Variants in AKAP6 observed in about 807,000 individuals in gnomAD.
AKAP6 encodes A-kinase anchoring protein 6, also known as A-kinase anchor protein 6.
AKAP6 carries 58 observed loss-of-function variants against 188.5 expected under a neutral mutation model. That is an observed-to-expected ratio of 0.31 (90% CI 0.25 to 0.38). The LOEUF (loss-of-function observed/expected upper bound fraction) is 0.38, where lower values mean the gene tolerates loss of function less well. AKAP6 is among the 10% of genes least tolerant of loss of function. The pLI, the probability that AKAP6 is intolerant of heterozygous loss-of-function variation, is 1.00. For synonymous variants in AKAP6, 989 were observed against 998.6 expected (o/e 0.99, Z 0.18); for missense variants, 2,710 against 2,740.0 (o/e 0.99, Z 0.24).
intron 1 of AKAP6, among the ~76,000 whole-genome samples, chr14:32,390,666 C>G (rs1245986357): frequency 2.0e-5 from 3 of 152,140 alleles, no homozygotes; most frequent in Non-Finnish European, 2.9e-5. Flanking sequence ...TGGGCTGGTA[C>G]TGGGGGTTGT....
At chr14:32,706,028 A>G (rs941677981) in intron 9 of AKAP6, among the ~76,000 whole-genome samples, 1 of 152,098 alleles carries the variant, frequency 6.6e-6, no homozygotes, top group Non-Finnish European at 1.5e-5. Flanking sequence ...CAGCCCTACC[A>G]TGTGCCTGAA....
At chr14:32,351,222 C>G (rs1410595902) in intron 1 of AKAP6, among the ~76,000 whole-genome samples, 1 of 152,120 alleles carries the variant, frequency 6.6e-6, no homozygotes, top group Non-Finnish European at 1.5e-5. Flanking sequence ...ACCTAGAGGT[C>G]TAAAAGAATC....
intron 3 of AKAP6, among the ~76,000 whole-genome samples, chr14:32,543,534 T>C (rs1372094094): frequency 6.6e-6 from 1 of 152,230 alleles, no homozygotes; most frequent in Non-Finnish European, 1.5e-5. Context: ...TTTGACATGC[T>C]GATTTCCTTT....
chr14:32,411,924 C>T lies in AKAP6; in HGVS notation c.-34-21536C>T, dbSNP rs963338836. ...AGTTTTTCTTCTCTAATATGTTTTC[C>T]GTAATGATAGCTGCTTCATTTACAA... On this transcript the variant is annotated intron_variant, in intron 1 of 13. Transcript: ENST00000280979. 2.7e-5 allele frequency among the ~76,000 whole-genome samples: 4 copies of T among 150,890 alleles called. No individual in the cohort carries two copies. In the South Asian group the frequency reaches 6.3e-4, roughly 24 times the overall value.
chr14:32,690,351 A>G (rs961177844), intron 8 of AKAP6, among the ~76,000 whole-genome samples: 2 of 152,152 alleles, frequency 1.3e-5, no homozygotes, highest in Non-Finnish European at 2.9e-5. Context: ...TGTTGAGTTA[A>G]TGATGCTCAC....
intron 3 of AKAP6, among the ~76,000 whole-genome samples, chr14:32,540,718 G>A (rs1882910127): frequency 6.6e-6 from 1 of 152,046 alleles, no homozygotes; most frequent in Non-Finnish European, 1.5e-5. Context: ...GGAAGCAACA[G>A]AACTAAAAAC....
intron 12 of AKAP6, among the ~76,000 whole-genome samples, chr14:32,793,199 G>T (rs1398921657): frequency 1.3e-5 from 2 of 152,046 alleles, no homozygotes; most frequent in Non-Finnish European, 2.9e-5. Context: ...AATGTAAATG[G>T]ACTAAATGCC....
In AKAP6 at chr14:32,669,645, G is replaced by A. The variant is rs77484503; in HGVS notation, c.2731-8666G>A. On this transcript the variant is annotated intron_variant, in intron 7 of 13. Transcript: ENST00000280979. ...TTCATCCATTCTCACGCTGCTAATA[G>A]ACATACCCAAGACTGAATAATTTAT... Among the ~76,000 whole-genome samples, 473 of 152,288 alleles carry A rather than the reference G, an allele frequency of 3.1e-3. 2 individuals carry two copies. Among genetic ancestry groups the A allele is most frequent in the African/African-American group, 0.01 (435 of 41,556 alleles).
At chr14:32,727,231 C>T (rs2030917173) in intron 9 of AKAP6, among the ~76,000 whole-genome samples, 2 of 152,100 alleles carry the variant, frequency 1.3e-5, no homozygotes, top group Admixed American at 6.6e-5. Context: ...GTAGACTTGG[C>T]GTCCTTATGC....
chr14:32,540,073 A>G (rs1220906022), intron 3 of AKAP6, among the ~76,000 whole-genome samples: 6 of 149,480 alleles, frequency 4.0e-5, no homozygotes, highest in Admixed American at 1.3e-4. Flanking sequence ...AAAGGAACAG[A>G]GTAAAATGTC....
rs2034844900 is a variant in AKAP6 at position 32,833,746 on chromosome 14, C to T, written c.*3941C>T. The T allele has an allele frequency of 6.6e-6, 1 of 152,176 alleles. No homozygotes were observed. The highest frequency in any genetic ancestry group is 2.4e-5 in the African/African-American group (1 of 41,444). The allele number at this position is 152,176 out of a possible 1,614,324, so 9.4% of individuals were successfully genotyped here. ...TTTTAGAATTTTAAAGAAAAACTCA[C>T]TTTTCAAGTGTCATATAATTCTTAT... On this transcript the variant is annotated 3_prime_UTR_variant, in exon 14 of 14. Coordinates refer to ENST00000280979, the MANE Select transcript of AKAP6 (RefSeq NM_004274.5).
rs545548977 is a variant in AKAP6 at position 32,464,341 on chromosome 14, C to G, written c.324+30524C>G. 4.6e-5 allele frequency among the ~76,000 whole-genome samples: 7 copies of G among 152,252 alleles called. No homozygotes were observed. In the East Asian group the frequency reaches 1.3e-3, roughly 29 times the overall value. ...CCTGATGAACATTGACGTGAAAATC[C>G]TCAATAAAAATACTGGCAAACTGAA... On this transcript the variant is annotated intron_variant, in intron 2 of 13. Transcript: ENST00000280979.
chr14:32,664,135 G>A (rs554110090), intron 7 of AKAP6, among the ~76,000 whole-genome samples: 1 of 151,916 alleles, frequency 6.6e-6, no homozygotes, highest in Non-Finnish European at 1.5e-5. Context: ...CTAGTGGATA[G>A]GAACCATGAC....
chr14:32,413,535 A>G (rs10149776), intron 1 of AKAP6, among the ~76,000 whole-genome samples: 33,041 of 152,036 alleles, frequency 0.22, 4,295 homozygotes, highest in East Asian at 0.69. Flanking sequence ...GGAACCTCAC[A>G]GTTACTGAAT....
intron 9 of AKAP6, among the ~76,000 whole-genome samples, chr14:32,707,554 A>G (rs1390287950): frequency 6.6e-6 from 1 of 151,986 alleles, no homozygotes; most frequent in East Asian, 1.9e-4. Context: ...TTTTTGTTAG[A>G]CTTCACACTC....
chr14:32,427,037 G>A (rs373885870), intron 1 of AKAP6, among the ~76,000 whole-genome samples: 12 of 152,178 alleles, frequency 7.9e-5, no homozygotes, highest in Admixed American at 4.6e-4. Flanking sequence ...CTGTACAAAA[G>A]GAAATATTCA....
chr14:32,817,489 G>A (rs1312387097), intron 12 of AKAP6, among the ~76,000 whole-genome samples: 1 of 115,868 alleles, frequency 8.6e-6, no homozygotes, highest in Admixed American at 8.9e-5. Context: ...GTGTGTCTGT[G>A]TTTGTGTGTG....
At chr14:32,394,017 A>G (rs1158737645) in intron 1 of AKAP6, among the ~76,000 whole-genome samples, 1 of 152,184 alleles carries the variant, frequency 6.6e-6, no homozygotes, top group Non-Finnish European at 1.5e-5. Flanking sequence ...TTTAAAATCA[A>G]TAATAATCAT....
intron 12 of AKAP6, among the ~76,000 whole-genome samples, chr14:32,788,309 T>C (rs1445911722): frequency 1.3e-5 from 2 of 152,130 alleles, no homozygotes; most frequent in East Asian, 3.9e-4. Context: ...AGTTTCTTCA[T>C]CTGTAAGATA....
Sources: allele counts gnomAD v4.1 joint callset (sites outside exome capture counted in the v4.1 genomes callset), GRCh38; gene constraint gnomAD v4.1.1; transcripts MANE v1.5; gene names NCBI Gene and HGNC (gene_info 2026-07-23, HGNC 2026-07-21).